LRP1B: variants seen among roughly 807,000 people sequenced by gnomAD.
LRP1B encodes LDL receptor related protein 1B.
A neutral mutation model predicts 556.6 loss-of-function variants in LRP1B; 217 were observed. The observed-to-expected ratio is 0.39, with a 90% CI of 0.35 to 0.44. The LOEUF (loss-of-function observed/expected upper bound fraction) is 0.44, where lower values mean the gene tolerates loss of function less well. LRP1B is among the 20% of genes least tolerant of loss of function. The probability of loss-of-function intolerance (pLI) is 1.00; values close to 1 mark genes in which losing one functional copy is unlikely to be tolerated. For missense variants in LRP1B, 5,053 were observed against 5,620.8 expected (o/e 0.90, Z 3.23); for synonymous variants, 2,047 against 1,865.8 (o/e 1.10, Z -2.50).
At chr2:141,375,354 G>A (rs1276888123) in intron 3 of LRP1B, among the ~76,000 whole-genome samples, 1 of 152,106 alleles carries the variant, frequency 6.6e-6, no homozygotes, top group African/African-American at 2.4e-5. Context: ...TAATTCTTGG[G>A]TCACCAGATG....
chr2:140,617,793 T>C (rs1298082333), intron 41 of LRP1B, among the ~76,000 whole-genome samples: 1 of 152,018 alleles, frequency 6.6e-6, no homozygotes, highest in Non-Finnish European at 1.5e-5. Flanking sequence ...TTAACAGCTT[T>C]GTGTTGTTTC....
chr2:141,499,200 C>A (rs1683624369), intron 2 of LRP1B, among the ~76,000 whole-genome samples: 1 of 152,048 alleles, frequency 6.6e-6, no homozygotes, highest in African/African-American at 2.4e-5. Flanking sequence ...AAGAGTCACA[C>A]TTGTTATTTT....
In LRP1B at chr2:140,232,425, G is replaced by T. The variant is rs1179702770; in HGVS notation, c.*761C>A. ...TCTCGAGACTGAGGGAGAATAAAAGGTCTTATTCCATAGCAAGTGCAGTCG... is the reference window on the plus strand; with the variant it reads ...TCTCGAGACTGAGGGAGAATAAAAGTTCTTATTCCATAGCAAGTGCAGTCG... On this transcript the variant is annotated 3_prime_UTR_variant, in exon 91 of 91. Transcript: ENST00000389484. 6.6e-6 allele frequency: 1 copy of T among 151,522 alleles called. No individual in the cohort carries two copies. Among genetic ancestry groups the T allele is most frequent in the Non-Finnish European group, 1.5e-5 (1 of 67,500 alleles). 9.4% of individuals were successfully genotyped at this position (151,522 alleles called of 1,614,324 possible).
At chr2:141,572,588 T>A (rs1686570225) in intron 2 of LRP1B, among the ~76,000 whole-genome samples, 1 of 151,814 alleles carries the variant, frequency 6.6e-6, no homozygotes, top group African/African-American at 2.4e-5. Flanking sequence ...ACAACAATAA[T>A]CTGAAATATA....
At chr2:141,250,547 T>C (rs925574855) in intron 4 of LRP1B, among the ~76,000 whole-genome samples, 2 of 152,178 alleles carry the variant, frequency 1.3e-5, no homozygotes, top group Admixed American at 1.3e-4. Context: ...TGTTGCATCC[T>C]TTATAATAAA....
intron 60 of LRP1B, among the ~76,000 whole-genome samples, chr2:140,465,987 G>T (rs2105335260): frequency 6.6e-6 from 1 of 151,936 alleles, no homozygotes. Context: ...GTTTGTAATG[G>T]ACTGTGAATG....
At chr2:141,790,417 A>G (rs571308377) in intron 2 of LRP1B, among the ~76,000 whole-genome samples, 1 of 151,700 alleles carries the variant, frequency 6.6e-6, no homozygotes, top group Non-Finnish European at 1.5e-5. Context: ...GCTGTGTTCT[A>G]TTGTGCCCTG....
intron 69 of LRP1B, among the ~76,000 whole-genome samples, chr2:140,371,504 G>A (rs907374678): frequency 4.0e-5 from 6 of 150,534 alleles, no homozygotes; most frequent in Middle Eastern, 3.2e-3. Flanking sequence ...TATACTTCAT[G>A]ATGCAATAAC....
intron 3 of LRP1B, among the ~76,000 whole-genome samples, chr2:141,311,339 G>T (rs1266350252): frequency 6.6e-6 from 1 of 152,172 alleles, no homozygotes; most frequent in African/African-American, 2.4e-5. Flanking sequence ...CCCCTCTAAA[G>T]ATTACTATCC....
chr2:141,885,735 C>T (rs1372190574), intron 1 of LRP1B, among the ~76,000 whole-genome samples: 2 of 152,138 alleles, frequency 1.3e-5, no homozygotes, highest in Non-Finnish European at 2.9e-5. Flanking sequence ...GACAGGAGAA[C>T]ATTTTCTCAA....
intron 20 of LRP1B, among the ~76,000 whole-genome samples, chr2:140,945,777 G>A (rs932960131): frequency 6.6e-6 from 1 of 152,084 alleles, no homozygotes; most frequent in Non-Finnish European, 1.5e-5. Context: ...AACCTAGGAA[G>A]TACTCTTCTA....
At chr2:141,092,137 T>C (rs1700185259) in intron 7 of LRP1B, among the ~76,000 whole-genome samples, 1 of 152,228 alleles carries the variant, frequency 6.6e-6, no homozygotes, top group Non-Finnish European at 1.5e-5. Context: ...TGTTTTGTTA[T>C]ATGTTGCTGT....
intron 5 of LRP1B, among the ~76,000 whole-genome samples, chr2:141,246,216 A>G (rs945325332): frequency 5.3e-5 from 8 of 152,220 alleles, no homozygotes; most frequent in African/African-American, 1.7e-4. Context: ...GTCACTCTGA[A>G]TATTGACATT....
intron 31 of LRP1B, among the ~76,000 whole-genome samples, chr2:140,825,581 A>G (rs147090774): frequency 2.1e-3 from 314 of 152,318 alleles, no homozygotes; most frequent in African/African-American, 7.1e-3. Flanking sequence ...TATCATCCAT[A>G]GTGCCCAACA....
intron 25 of LRP1B, among the ~76,000 whole-genome samples, chr2:140,875,377 T>A (rs1244734200): frequency 6.6e-6 from 1 of 152,216 alleles, no homozygotes; most frequent in East Asian, 1.9e-4. Context: ...AAAAGGCTTA[T>A]GGAAGTTATA....
At chr2:141,642,888 T>G (rs1207614475) in intron 2 of LRP1B, among the ~76,000 whole-genome samples, 1 of 152,140 alleles carries the variant, frequency 6.6e-6, no homozygotes, top group Non-Finnish European at 1.5e-5. Flanking sequence ...CAACTCTGGT[T>G]TATGCCAAAT....
intron 7 of LRP1B, among the ~76,000 whole-genome samples, chr2:141,175,417 A>C (rs969104374): frequency 6.6e-6 from 1 of 152,122 alleles, no homozygotes; most frequent in African/African-American, 2.4e-5. Context: ...TGACCTGCAT[A>C]GCAGCTGCTC....
At chr2:140,836,873 G>A (rs1391206403) in intron 31 of LRP1B, among the ~76,000 whole-genome samples, 1 of 152,208 alleles carries the variant, frequency 6.6e-6, no homozygotes, top group East Asian at 1.9e-4. Context: ...GAAAGTTACT[G>A]GAAGGTGCTT....
rs1469965714 is a variant in LRP1B, at chr2:140,467,447, T to A, written c.9625+7691A>T. On this transcript the variant is annotated intron_variant, in intron 60 of 90. Coordinates refer to ENST00000389484, the MANE Select transcript of LRP1B (RefSeq NM_018557.3). ...GGTGAAACCCCATCTCTAGTAAAAA[T>A]TAAAAAAAAAAAAAATTTGCTGGGC... Among the ~76,000 whole-genome samples, 9 of 130,684 alleles carry A rather than the reference T, an allele frequency of 6.9e-5. No individual in the cohort carries two copies. In the East Asian group the frequency reaches 1.4e-3, roughly 20 times the overall value. 85.7% of individuals were successfully genotyped at this position (130,684 alleles called of 152,430 possible).
Sources: gnomAD v4.1 joint callset for allele counts (sites outside exome capture counted in the v4.1 genomes callset) on GRCh38, gnomAD v4.1.1 for gene constraint, MANE v1.5 for transcripts, NCBI Gene and HGNC (gene_info 2026-07-23, HGNC 2026-07-21) for gene names.